MAX: variants seen among roughly 807,000 people sequenced by gnomAD.
The protein encoded by MAX is protein max.
MAX carries 3 observed loss-of-function variants against 22.3 expected under a neutral mutation model. The ratio of observed to expected loss-of-function variants is 0.13; its 90% confidence interval spans 0.06 to 0.35. MAX has a LOEUF of 0.35. Ranked by LOEUF, MAX falls within the 10% of genes least tolerant of loss-of-function variation. MAX has a pLI of 1.00. For synonymous variants in MAX, 72 were observed against 77.7 expected (o/e 0.93, Z 0.39); for missense variants, 119 against 209.4 (o/e 0.57, Z 2.66).
chr14:65,100,395 A>G (rs887544316), intron 2 of MAX, among the ~76,000 whole-genome samples: 2 of 152,238 alleles, frequency 1.3e-5, no homozygotes, highest in Admixed American at 1.3e-4. Context: ...GGTTGCAGTA[A>G]GCCGAGATAG....
At position 65,027,645 on chromosome 14, in the gene MAX, C is replaced by T. The variant is rs1319165058; in HGVS notation, c.172-21361G>A. 1.2e-6 allele frequency: 2 copies of T among 1,613,952 alleles called. No homozygotes were observed. The highest frequency in any genetic ancestry group is 8.5e-7 in the Non-Finnish European group (1 of 1,179,964). On this transcript the variant is annotated intron_variant, in intron 3 of 3. Transcript: ENST00000341653. The surrounding 1 kb of genome is among the most constrained non-coding windows in gnomAD (Gnocchi z 5.7). The stretch of plus-strand genomic sequence containing the variant: ...GACAGAAACCTAGAGGAGTTCCCCG[C>T]CTGCTGACACGCACTGACTGTTGCC...
intron 3 of MAX, among the ~76,000 whole-genome samples, chr14:65,037,741 A>ATTTATTAT (rs372196330): frequency 5.2e-4 from 69 of 132,694 alleles, no homozygotes; most frequent in Non-Finnish European, 7.9e-4. Flanking sequence ...TTATTTATTT[A>ATTTATTAT]TTATTTATTT....
intron 2 of MAX, among the ~76,000 whole-genome samples, chr14:65,096,347 G>C (rs1476997074): frequency 1.3e-5 from 2 of 152,132 alleles, no homozygotes; most frequent in Non-Finnish European, 2.9e-5. Context: ...AGCTTGATTT[G>C]AAAGAACAAG....
intron 1 of MAX, 78 bp from the exon 2 acceptor site, chr14:65,101,650 A>G: frequency 8.7e-7 from 1 of 1,143,070 alleles, no homozygotes; most frequent in African/African-American, 1.6e-5. Flanking sequence ...AAGAAAGAAA[A>G]TGCCGGCGGC....
At chr14:65,016,928 T>G (rs942082441) in intron 3 of MAX, among the ~76,000 whole-genome samples, 1 of 145,854 alleles carries the variant, frequency 6.9e-6, no homozygotes, top group African/African-American at 2.5e-5. Flanking sequence ...TGGTTTTTTT[T>G]TTTTTTTTTT....
chr14:65,040,917 T>G, intron 3 of MAX: 1 of 1,613,604 alleles, frequency 6.2e-7, no homozygotes, highest in Non-Finnish European at 8.5e-7. Context: ...GAAGAGCTTA[T>G]TAGTAAGTAT....
At chr14:65,070,866 T>C (rs2139720124), downstream of MAX, among the ~76,000 whole-genome samples, 1 of 152,348 alleles carries the variant, frequency 6.6e-6, no homozygotes, top group East Asian at 1.9e-4. This position sits in a 1 kb window ranked among gnomAD's most constrained non-coding sequence, Gnocchi z 4.4. Context: ...CACCCGGCAC[T>C]GCAGAAATGC....
chr14:65,070,463 G>A (rs1394217913), downstream of MAX, among the ~76,000 whole-genome samples: 1 of 152,222 alleles, frequency 6.6e-6, no homozygotes, highest in Non-Finnish European at 1.5e-5. This position sits in a 1 kb window ranked among gnomAD's most constrained non-coding sequence, Gnocchi z 4.4. Context: ...GGACAGCAAA[G>A]GAAAACAATC....
chr14:65,016,985 C>T (rs1397029777), intron 3 of MAX, among the ~76,000 whole-genome samples: 1 of 144,890 alleles, frequency 6.9e-6, no homozygotes, highest in African/African-American at 2.5e-5. Flanking sequence ...TGCAGTGGCA[C>T]AGTCTCAGCT....
rs1294531353 is a variant in MAX, at chr14:65,009,853, C to T, written c.172-3569G>A. Among the ~76,000 whole-genome samples, 1 of 152,102 alleles carries T rather than the reference C, an allele frequency of 6.6e-6. No homozygotes were observed. Among genetic ancestry groups the T allele is most frequent in the Non-Finnish European group, 1.5e-5 (1 of 68,020 alleles). ...CTCCATCTCTTCCCGTGGCTGATCA[C>T]AGCGTTTATTGGACAGGGCTCTGCT... On this transcript the variant is annotated intron_variant, in intron 3 of 3. Transcript: ENST00000341653. This position sits in a 1 kb window ranked among gnomAD's most constrained non-coding sequence, Gnocchi z 4.2.
At chr14:65,059,969 G>A (rs1169146676) in intron 3 of MAX, among the ~76,000 whole-genome samples, 2 of 151,500 alleles carry the variant, frequency 1.3e-5, no homozygotes, top group Non-Finnish European at 2.9e-5. Context: ...AACTAGCTGG[G>A]ATTACAGACA....
chr14:65,051,887 T>C (rs188338348), intron 3 of MAX, among the ~76,000 whole-genome samples: 2,637 of 151,548 alleles, frequency 0.017, 48 homozygotes, highest in African/African-American at 0.041. Flanking sequence ...CTCCGCCTCC[T>C]GGGTTCACGC....
chr14:65,065,621 C>T (rs1299662590), intron 3 of MAX, among the ~76,000 whole-genome samples: 1 of 152,166 alleles, frequency 6.6e-6, no homozygotes, highest in Non-Finnish European at 1.5e-5. Context: ...GGAAAAGGTA[C>T]AGTAAAAATA....
chr14:65,017,970 T>C (rs2061812335), intron 3 of MAX, among the ~76,000 whole-genome samples: 1 of 151,856 alleles, frequency 6.6e-6, no homozygotes, highest in African/African-American at 2.4e-5. Flanking sequence ...AATAAATAAA[T>C]AAAATACATA....
In MAX at chr14:65,030,539, G is replaced by T. The variant is rs1287963895; in HGVS notation, c.172-24255C>A. 6.6e-6 allele frequency among the ~76,000 whole-genome samples: 1 copy of T among 152,054 alleles called. No homozygotes were observed. The highest frequency in any genetic ancestry group is 1.5e-5 in the Non-Finnish European group (1 of 68,006). On this transcript the variant is annotated intron_variant, in intron 3 of 3. Transcript: ENST00000341653. This position sits in a 1 kb window ranked among gnomAD's most constrained non-coding sequence, Gnocchi z 4.5. ...GAATCACTTGAGGCCAGGAGTTCAAGACCAACCTGGGTAACACAGCAAGAC... is the reference window on the plus strand; with the variant it reads ...GAATCACTTGAGGCCAGGAGTTCAATACCAACCTGGGTAACACAGCAAGAC...
In MAX at chr14:65,069,313, CAGA is replaced by C. The variant is rs558086396; in HGVS notation, c.171+24392_171+24394del. ...CAAGGCTGGGCTCTTGTGGGCAGGA[CAGA>C]AGGAGAGCCCATCAAGAGCTTGAGA... On this transcript the variant is annotated intron_variant, in intron 3 of 3. Transcript: ENST00000341653. This position sits in a 1 kb window ranked among gnomAD's most constrained non-coding sequence, Gnocchi z 4.6. Among the ~76,000 whole-genome samples the C allele has an allele frequency of 1.3e-5, 2 of 152,092 alleles. No homozygotes were observed. The highest frequency in any genetic ancestry group is 2.9e-5 in the Non-Finnish European group (2 of 68,002).
At position 65,077,764 on chromosome 14, in the gene MAX, A is replaced by G. The variant is rs200016867; in HGVS notation, c.295+149T>C. ...GGTCCTTCCTCAGGACGGCTCTAAC[A>G]CTCAGTTACTCAGGCCCCAAGAAGC... On this transcript the variant is annotated intron_variant, in intron 4 of 4. Transcript: ENST00000358664. This position sits in a 1 kb window ranked among gnomAD's most constrained non-coding sequence, Gnocchi z 6.3. 295 of 1,612,736 alleles carry G rather than the reference A, an allele frequency of 1.8e-4. 2 individuals are homozygous for G. The East Asian group carries it at 5.6e-3, about 30-fold the overall frequency.
At chr14:65,046,310 T>C (rs1421194742) in intron 3 of MAX, among the ~76,000 whole-genome samples, 14 of 152,204 alleles carry the variant, frequency 9.2e-5, no homozygotes, top group Admixed American at 9.2e-4. Context: ...CTTGGGGTCA[T>C]GGTGATCTCT....
chr14:65,051,240 C>T (rs943621144), intron 3 of MAX, among the ~76,000 whole-genome samples: 8 of 152,204 alleles, frequency 5.3e-5, no homozygotes, highest in African/African-American at 1.7e-4. Flanking sequence ...TCACCTAGTG[C>T]TCAACCTTGG....
Sources: gnomAD v4.1 joint callset for allele counts (sites outside exome capture counted in the v4.1 genomes callset) on GRCh38, gnomAD v4.1.1 for gene constraint, Gnocchi (gnomAD v3.1) non-coding constraint, MANE v1.5 for transcripts, NCBI Gene and HGNC (gene_info 2026-07-23, HGNC 2026-07-21) for gene names.